IL1R2: variants seen among roughly 807,000 people sequenced by gnomAD.
IL1R2 encodes interleukin 1 receptor type 2.
A neutral mutation model predicts 39.5 loss-of-function variants in IL1R2; 46 were observed. The observed-to-expected ratio is 1.16, with a 90% CI of 0.92 to 1.49. The LOEUF is 1.49. Ranked by LOEUF, IL1R2 falls within the 40% of genes most tolerant of loss-of-function variation. IL1R2 has a pLI of 0.00. For missense variants in IL1R2, 537 were observed against 502.0 expected (o/e 1.07, Z -0.67); for synonymous variants, 207 against 189.6 (o/e 1.09, Z -0.75).
chr2:102,000,685 G>A (rs898797822), intron 1 of IL1R2, among the ~76,000 whole-genome samples: 5 of 152,186 alleles, frequency 3.3e-5, no homozygotes, highest in Non-Finnish European at 7.3e-5. Context: ...CTAGCTCCAG[G>A]TGTTGATGCT....
intron 1 of IL1R2, among the ~76,000 whole-genome samples, chr2:102,003,880 T>C (rs1389405944): frequency 1.3e-5 from 2 of 151,934 alleles, no homozygotes; most frequent in African/African-American, 4.8e-5. Context: ...TCTGTGGTTG[T>C]GTTTGTGTCT....
chr2:102,010,531 G>A (rs1477422824), intron 3 of IL1R2, among the ~76,000 whole-genome samples: 3 of 150,724 alleles, frequency 2.0e-5, no homozygotes, highest in Non-Finnish European at 2.9e-5. Flanking sequence ...AGCGGAGATC[G>A]AGCCACTGCG....
intron 8 of IL1R2, among the ~76,000 whole-genome samples, chr2:102,026,697 C>T (rs892238769): frequency 2.6e-5 from 4 of 152,012 alleles, no homozygotes; most frequent in Admixed American, 6.6e-5. Flanking sequence ...ATTATATGAC[C>T]GGAAATAGGT....
chr2:102,018,900 A>G (rs574102035), intron 4 of IL1R2, among the ~76,000 whole-genome samples: 4 of 152,358 alleles, frequency 2.6e-5, no homozygotes, highest in South Asian at 4.1e-4. Flanking sequence ...GCCATGTGGC[A>G]ATTTCAATTT....
Position 101,992,318 on chromosome 2 carries a change from G to GAGAA in IL1R2, c.-62+310_-62+311insAAGA, listed in dbSNP as rs548770320. ...AGACAGAGAGAGACAGAGAAAGACA[G>GAGAA]AGACAGAGAGAGGCAGGGAGACAGA... is the stretch of plus-strand genomic sequence containing the variant. On this transcript the variant is annotated intron_variant, in intron 1 of 8. Coordinates refer to ENST00000332549, the MANE Select transcript of IL1R2 (RefSeq NM_004633.4). 5.0e-3 allele frequency among the ~76,000 whole-genome samples: 752 copies of GAGAA among 150,920 alleles called. 7 individuals are homozygous for GAGAA. The highest frequency in any genetic ancestry group is 0.017 in the African/African-American group (712 of 40,730).
intron 1 of IL1R2, 76 bp downstream of exon 1, chr2:101,992,087 A>AAG (rs36003351): frequency 0.27 from 37,463 of 140,264 alleles, 4,826 homozygotes; most frequent in Admixed American, 0.29. Context: ...GAGAGAGAGA[A>AAG]AGAGAGAGAG....
At chr2:102,027,677 C>T (rs1677818743) in intron 8 of IL1R2, among the ~76,000 whole-genome samples, 1 of 152,180 alleles carries the variant, frequency 6.6e-6, no homozygotes, top group Non-Finnish European at 1.5e-5. Flanking sequence ...TCTGATAACA[C>T]TCTGTTCTCA....
chr2:101,998,394 T>C (rs914530681), intron 1 of IL1R2, among the ~76,000 whole-genome samples: 2 of 152,250 alleles, frequency 1.3e-5, no homozygotes, highest in Non-Finnish European at 2.9e-5. Context: ...TTTCTTCTCC[T>C]AGCCTTCTCC....
intron 3 of IL1R2, among the ~76,000 whole-genome samples, chr2:102,011,265 C>A (rs998582524): frequency 1.3e-5 from 2 of 152,246 alleles, no homozygotes; most frequent in African/African-American, 4.8e-5. Context: ...CAAAGAGGAA[C>A]TGCTGGATCA....
chr2:102,019,713 G>A lies in IL1R2; in HGVS notation c.589G>A (p.Val197Met), dbSNP rs772327590. The change falls in exon 5 of 9, where the codon GTG (valine) becomes ATG (methionine). Residue 197 changes from valine (V) to methionine (M), a missense_variant. By Grantham distance (21) the Val-to-Met change is conservative (BLOSUM62 1). Transcript: ENST00000332549. ...GACCACTCACTTACTCGTACACGAT[G>A]TGGCCCTGGAAGATGCTGGCTATTA... ...RGTTHLLVHD[V>M]ALEDAGYYRC... 6 of 1,613,986 alleles carry A rather than the reference G, an allele frequency of 3.7e-6. No individual in the cohort carries two copies. Among genetic ancestry groups the A allele is most frequent in the Non-Finnish European group, 3.4e-6 (4 of 1,179,838 alleles).
intron 5 of IL1R2, among the ~76,000 whole-genome samples, chr2:102,021,130 GC>G (rs770146713): frequency 4.9e-4 from 75 of 152,122 alleles, no homozygotes; most frequent in Non-Finnish European, 6.8e-4. Context: ...AAAGCCGTCT[GC>G]CCCTCAGGCT....
At chr2:101,995,003 GC>G (rs1675519089) in intron 1 of IL1R2, among the ~76,000 whole-genome samples, 1 of 152,226 alleles carries the variant, frequency 6.6e-6, no homozygotes, top group South Asian at 2.1e-4. Flanking sequence ...GCTGATCCAT[GC>G]CCTTGTATAA....
At chr2:102,016,307 T>C in intron 4 of IL1R2, 1 of 302,644 alleles carries the variant, frequency 3.3e-6, no homozygotes, top group Non-Finnish European at 6.2e-6. Flanking sequence ...ACACAGTGCA[T>C]CATCTACTGT....
intron 3 of IL1R2, among the ~76,000 whole-genome samples, chr2:102,010,455 A>AGTCC (rs916725737): frequency 6.6e-6 from 1 of 152,094 alleles, no homozygotes; most frequent in African/African-American, 2.4e-5. Context: ...GGGCGCCTGT[A>AGTCC]GTCCCAGCTA....
At chr2:102,026,934 C>T (rs945091588) in intron 8 of IL1R2, among the ~76,000 whole-genome samples, 20 of 152,204 alleles carry the variant, frequency 1.3e-4, no homozygotes, top group African/African-American at 4.1e-4. Flanking sequence ...GACAATCTTA[C>T]AGCAATAACA....
intron 6 of IL1R2, among the ~76,000 whole-genome samples, chr2:102,024,160 C>T (rs1002756268): frequency 6.6e-6 from 1 of 152,084 alleles, no homozygotes; most frequent in East Asian, 1.9e-4. Flanking sequence ...AGAGCCAAGA[C>T]CAGCCTCAGG....
Position 102,008,621 on chromosome 2 carries a change from C to T in IL1R2, c.46C>T (p.Leu16Phe). 6.2e-7 allele frequency: 1 copy of T among 1,614,070 alleles called. No homozygotes were observed. Among genetic ancestry groups the T allele is most frequent in the Non-Finnish European group, 8.5e-7 (1 of 1,179,948 alleles). ...VLVMGVSAFT[L>F]QPAAHTGAAR... Reference sequence around the variant, plus strand: ...GGTAATGGGAGTTTCTGCCTTCACCCTTCAGCCTGCGGCACACACAGGTTA... The same window carrying T: ...GGTAATGGGAGTTTCTGCCTTCACCTTTCAGCCTGCGGCACACACAGGTTA... The change falls in exon 2 of 9, where the codon CTT (leucine) becomes TTT (phenylalanine). Residue 16 changes from leucine to phenylalanine, a missense_variant. Leu to Phe is a conservative substitution (Grantham distance 22). Coordinates refer to ENST00000332549, the MANE Select transcript of IL1R2 (RefSeq NM_004633.4).
chr2:102,002,454 T>A (rs1223111665), intron 1 of IL1R2, among the ~76,000 whole-genome samples: 1 of 146,670 alleles, frequency 6.8e-6, no homozygotes, highest in South Asian at 2.2e-4. Context: ...TGTGTCTGTG[T>A]CTATGTCTCT....
intron 1 of IL1R2, chr2:102,001,878 A>C (rs902351594): frequency 6.6e-6 from 1 of 152,152 alleles, no homozygotes; most frequent in East Asian, 1.9e-4. Flanking sequence ...TTCATTTTAC[A>C]CACTAGAAGT....
Sources: allele counts gnomAD v4.1 joint callset (sites outside exome capture counted in the v4.1 genomes callset), GRCh38; gene constraint gnomAD v4.1.1; transcripts MANE v1.5; gene names NCBI Gene and HGNC (gene_info 2026-07-23, HGNC 2026-07-21).